Variants in INPP4B observed in about 807,000 individuals in gnomAD.
The protein encoded by INPP4B is inositol polyphosphate 4-phosphatase type II.
In INPP4B, 55 loss-of-function variants were observed where a neutral mutation model predicts 122.5. The observed-to-expected ratio is 0.45, with a 90% CI of 0.36 to 0.56. The LOEUF (loss-of-function observed/expected upper bound fraction) is 0.56. INPP4B is among the 20% of genes least tolerant of loss of function. INPP4B has a pLI of 0.00. For missense variants in INPP4B, 1,000 were observed against 1,097.7 expected (o/e 0.91, Z 1.26); for synonymous variants, 403 against 388.7 (o/e 1.04, Z -0.43).
intron 3 of INPP4B, among the ~76,000 whole-genome samples, chr4:142,443,649 G>A (rs1817970): frequency 0.33 from 50,369 of 151,836 alleles, 10,898 homozygotes; most frequent in African/African-American, 0.59. Flanking sequence ...CCAAGAAACA[G>A]GTGACAGAAG....
At chr4:142,656,325 A>C (rs1754132648) in intron 2 of INPP4B, among the ~76,000 whole-genome samples, 1 of 152,202 alleles carries the variant, frequency 6.6e-6, no homozygotes. Context: ...AGCAGAACTA[A>C]GGAAAGTCCT....
chr4:142,628,254 C>A (rs1483908547), intron 2 of INPP4B, among the ~76,000 whole-genome samples: 1 of 148,330 alleles, frequency 6.7e-6, no homozygotes, highest in African/African-American at 2.5e-5. Context: ...AGTTCATGTC[C>A]TTTGTAGGGA....
chr4:142,565,123 T>C (rs1731353477), intron 2 of INPP4B, among the ~76,000 whole-genome samples: 1 of 152,134 alleles, frequency 6.6e-6, no homozygotes, highest in Non-Finnish European at 1.5e-5. Context: ...GGCCAGGTAT[T>C]CTGGATGCCC....
intron 25 of INPP4B, among the ~76,000 whole-genome samples, chr4:142,066,893 G>C (rs1047093959): frequency 2.0e-5 from 3 of 152,202 alleles, no homozygotes; most frequent in African/African-American, 7.2e-5. Flanking sequence ...TCCACCTCTG[G>C]GGGCAGGGCA....
At chr4:142,076,866 A>G (rs1360118288) in intron 25 of INPP4B, among the ~76,000 whole-genome samples, 1 of 152,100 alleles carries the variant, frequency 6.6e-6, no homozygotes, top group Non-Finnish European at 1.5e-5. Context: ...TAAAAGTACA[A>G]TCAAAAACAA....
chr4:142,476,353 G>A (rs771518475), intron 2 of INPP4B, among the ~76,000 whole-genome samples: 2 of 152,020 alleles, frequency 1.3e-5, no homozygotes, highest in African/African-American at 4.8e-5. Context: ...AATCTTGACA[G>A]GAAAGATTGT....
At chr4:142,101,279 AC>A (rs1784360875) in intron 23 of INPP4B, among the ~76,000 whole-genome samples, 1 of 152,084 alleles carries the variant, frequency 6.6e-6, no homozygotes, top group South Asian at 2.1e-4. Flanking sequence ...ATTCAGATGT[AC>A]CCTTTTTTGT....
chr4:142,774,893 C>A (rs1773620851), intron 1 of INPP4B, among the ~76,000 whole-genome samples: 1 of 151,940 alleles, frequency 6.6e-6, no homozygotes, highest in Admixed American at 6.6e-5. Context: ...AAAGTTCATA[C>A]TTTACTTAGA....
intron 16 of INPP4B, among the ~76,000 whole-genome samples, chr4:142,164,120 A>T (rs1821510647): frequency 6.6e-6 from 1 of 151,864 alleles, no homozygotes. Context: ...ATCCCCATAC[A>T]ACTATTCTTC....
intron 7 of INPP4B, among the ~76,000 whole-genome samples, chr4:142,390,809 CTATT>C (rs139441272): frequency 0.024 from 3,609 of 152,240 alleles, 140 homozygotes; most frequent in African/African-American, 0.083. Flanking sequence ...TTAACTACGA[CTATT>C]TAGAGTCATT....
chr4:142,302,193 A>G (rs2151139542), intron 9 of INPP4B, among the ~76,000 whole-genome samples: 1 of 152,090 alleles, frequency 6.6e-6, no homozygotes, highest in South Asian at 2.1e-4. Flanking sequence ...GCCCTTTCAC[A>G]CTTTTCCATC....
chr4:142,142,641 G>T (rs1177483874), intron 18 of INPP4B, among the ~76,000 whole-genome samples: 1 of 152,078 alleles, frequency 6.6e-6, no homozygotes. Context: ...CAACATATGG[G>T]AGGATGTCAT....
intron 3 of INPP4B, among the ~76,000 whole-genome samples, chr4:142,445,668 G>C (rs1471741006): frequency 6.6e-6 from 1 of 152,068 alleles, no homozygotes; most frequent in African/African-American, 2.4e-5. Context: ...AAAATACTTA[G>C]ACAACACTAC....
intron 25 of INPP4B, among the ~76,000 whole-genome samples, chr4:142,059,949 G>T (rs933897280): frequency 1.3e-5 from 2 of 152,132 alleles, no homozygotes; most frequent in Non-Finnish European, 2.9e-5. Flanking sequence ...AAACTCAAGT[G>T]AATTTGAACC....
chr4:142,042,036 G>A (rs993061588), intron 25 of INPP4B, among the ~76,000 whole-genome samples: 1 of 152,080 alleles, frequency 6.6e-6, no homozygotes, highest in Non-Finnish European at 1.5e-5. Context: ...TGATGCTTTT[G>A]TATTCTCTAT....
At chr4:142,308,161 G>A (rs992679011) in intron 8 of INPP4B, among the ~76,000 whole-genome samples, 1 of 152,168 alleles carries the variant, frequency 6.6e-6, no homozygotes, top group East Asian at 1.9e-4. Flanking sequence ...TGCATACAGT[G>A]TGCCAAGAAC....
At chr4:142,586,970 A>T (rs1264996566) in intron 2 of INPP4B, among the ~76,000 whole-genome samples, 2 of 152,110 alleles carry the variant, frequency 1.3e-5, no homozygotes, top group Non-Finnish European at 2.9e-5. Flanking sequence ...GTAGGATGTG[A>T]GAAGAGGTAT....
chr4:142,059,462 A>G lies in INPP4B; in HGVS notation c.2642+22569T>C, dbSNP rs368239965. Among the ~76,000 whole-genome samples, 20 of 152,190 alleles carry G rather than the reference A, an allele frequency of 1.3e-4. 1 individual carries two copies. In the East Asian group the frequency reaches 1.9e-3, roughly 15 times the overall value. ...ATCTATCATCATGTATCTGTATGTG[A>G]TTCTCTCTCAGTAGATTCTGAGGTT... On this transcript the variant is annotated intron_variant, in intron 25 of 25. Coordinates refer to ENST00000262992, the MANE Select transcript of INPP4B (RefSeq NM_001101669.3).
At chr4:142,287,799 T>C (rs1754476807) in intron 9 of INPP4B, among the ~76,000 whole-genome samples, 1 of 152,234 alleles carries the variant, frequency 6.6e-6, no homozygotes, top group Admixed American at 6.5e-5. Flanking sequence ...ATCTTTATTT[T>C]AGTCTACTTG....
Sources: gnomAD v4.1 joint callset for allele counts (sites outside exome capture counted in the v4.1 genomes callset) on GRCh38, gnomAD v4.1.1 for gene constraint, MANE v1.5 for transcripts, NCBI Gene and HGNC (gene_info 2026-07-23, HGNC 2026-07-21) for gene names.